Variants in ANK2 observed in about 807,000 individuals in gnomAD.
ANK2 encodes the protein ankyrin-2.
In ANK2, 83 loss-of-function variants were observed where a neutral mutation model predicts 360.5. The ratio of observed to expected loss-of-function variants is 0.23; its 90% CI spans 0.19 to 0.28. ANK2 has a LOEUF of 0.28. Ranked by LOEUF, ANK2 falls within the 10% of genes least tolerant of loss-of-function variation. The pLI is 1.00. For missense variants in ANK2, 4,201 were observed against 4,795.7 expected, an observed-to-expected ratio of 0.88 and a Z score of 3.66; for synonymous variants, 1,740 against 1,759.5, an observed-to-expected ratio of 0.99 and a Z score of 0.28.
chr4:112,827,433 A>AAGTG, intron 1 of ANK2: 1 of 1,382,020 alleles, frequency 7.2e-7, no homozygotes, highest in Non-Finnish European at 1.0e-6. Context: ...TAGAACTTGG[A>AAGTG]AGTGAGGGCT....
At chr4:112,710,622 C>A in the ANK2 span, among the ~76,000 whole-genome samples, 1 of 151,312 alleles carries the variant, frequency 6.6e-6, no homozygotes. Flanking sequence ...AGCTTGGACT[C>A]AGGAGGTGGA....
chr4:113,139,519 A>T (rs1562345503), intron 1 of ANK2, among the ~76,000 whole-genome samples: 2 of 152,196 alleles, frequency 1.3e-5, no homozygotes, highest in Non-Finnish European at 1.5e-5. Context: ...GTTTGGGGGG[A>T]TTCTGTACAC....
At chr4:113,085,802 G>A (rs138009685) in intron 1 of ANK2, among the ~76,000 whole-genome samples, 2,638 of 152,216 alleles carry the variant, frequency 0.017, 34 homozygotes, top group Non-Finnish European at 0.029. Flanking sequence ...GAGGAAGGGG[G>A]AACTTTCCTT....
intron 23 of ANK2, among the ~76,000 whole-genome samples, chr4:113,309,621 C>T (rs969609559): frequency 2.0e-5 from 3 of 152,020 alleles, no homozygotes; most frequent in Non-Finnish European, 4.4e-5. Flanking sequence ...TGGGCTCAAG[C>T]GATTCTCCCA....
chr4:112,948,566 A>G (rs749287372), intron 2 of ANK2, among the ~76,000 whole-genome samples: 1 of 152,194 alleles, frequency 6.6e-6, no homozygotes, highest in East Asian at 1.9e-4. Context: ...GGTTGCACAC[A>G]GAAAACTTTT....
chr4:112,939,383 C>G (rs961120287), intron 2 of ANK2, among the ~76,000 whole-genome samples: 1 of 151,026 alleles, frequency 6.6e-6, no homozygotes, highest in African/African-American at 2.4e-5. Context: ...GATCTCGGCT[C>G]GCTGCAGCCT....
At chr4:112,799,412 G>C in the ANK2 span, among the ~76,000 whole-genome samples, 3 of 152,134 alleles carry the variant, frequency 2.0e-5, no homozygotes, top group African/African-American at 4.8e-5. Context: ...TTCTAGGGTA[G>C]TGGCACCATT....
chr4:112,813,742 C>T (rs1337818841), upstream of ANK2, among the ~76,000 whole-genome samples: 1 of 152,104 alleles, frequency 6.6e-6, no homozygotes, highest in East Asian at 1.9e-4. Context: ...TGCCATGTTG[C>T]CTAGGCTGGT....
At chr4:113,310,880 AT>A (rs1169254130) in intron 23 of ANK2, among the ~76,000 whole-genome samples, 1 of 152,112 alleles carries the variant, frequency 6.6e-6, no homozygotes, top group Admixed American at 6.5e-5. Flanking sequence ...TAAAACTCAT[AT>A]TTTTTTCTGA....
At chr4:112,706,515 C>A in the ANK2 span, among the ~76,000 whole-genome samples, 1 of 152,028 alleles carries the variant, frequency 6.6e-6, no homozygotes, top group Admixed American at 6.6e-5. Context: ...GCAAACTCAT[C>A]CCTCCCACCC....
chr4:112,788,996 C>A, the ANK2 span: 6 of 552,266 alleles, frequency 1.1e-5, 1 homozygote, highest in Non-Finnish European at 1.6e-5. Context: ...TTATTTCCCT[C>A]AAAGTGTTTA....
intron 27 of ANK2, 91 bp downstream of exon 27, chr4:113,330,561 C>A: frequency 1.5e-6 from 2 of 1,341,802 alleles, no homozygotes; most frequent in South Asian, 2.5e-5. Context: ...AAAGGTACGT[C>A]AAACCATTTT....
At chr4:113,292,784 C>G (rs1434522010) in intron 21 of ANK2, among the ~76,000 whole-genome samples, 1 of 152,138 alleles carries the variant, frequency 6.6e-6, no homozygotes, top group Non-Finnish European at 1.5e-5. Flanking sequence ...ACGTGCTCTG[C>G]TTACAGCTGG....
intron 2 of ANK2, among the ~76,000 whole-genome samples, chr4:113,017,451 A>G (rs2056940076): frequency 6.6e-6 from 1 of 152,170 alleles, no homozygotes; most frequent in African/African-American, 2.4e-5. Context: ...GCAAGACTGA[A>G]GCCTCTACTT....
chr4:113,336,093 A>T, intron 30 of ANK2, 36 bp downstream of exon 30: 1 of 1,591,354 alleles, frequency 6.3e-7, no homozygotes, highest in Non-Finnish European at 8.6e-7. Flanking sequence ...TCCTAACAGG[A>T]TTGTATTCTA....
chr4:112,710,251 C>G, the ANK2 span, among the ~76,000 whole-genome samples: 1 of 152,170 alleles, frequency 6.6e-6, no homozygotes, highest in Non-Finnish European at 1.5e-5. Context: ...CTATCTTCTT[C>G]TAATTTTCAG....
At chr4:112,826,992 G>C in intron 1 of ANK2, 2 of 1,521,994 alleles carry the variant, frequency 1.3e-6, no homozygotes. Flanking sequence ...TCTTTTTATT[G>C]GAGTTCTACA....
chr4:113,159,230 C>CACACAT (rs1554202969), intron 1 of ANK2, among the ~76,000 whole-genome samples: 5 of 147,232 alleles, frequency 3.4e-5, no homozygotes. Flanking sequence ...CACACACACA[C>CACACAT]TAGTTTATAT....
At chr4:112,756,360 C>T in the ANK2 span, among the ~76,000 whole-genome samples, 1,217 of 151,384 alleles carry the variant, frequency 8.0e-3, 13 homozygotes, top group South Asian at 0.039. Context: ...ATTGTTGGTT[C>T]GGAAATAATT....
Sources: gnomAD v4.1 joint callset for allele counts (sites outside exome capture counted in the v4.1 genomes callset) on GRCh38, gnomAD v4.1.1 for gene constraint, MANE v1.5 for transcripts, NCBI Gene and HGNC (gene_info 2026-07-23, HGNC 2026-07-21) for gene names.